Variants in SLC37A3 observed in about 807,000 individuals in gnomAD.
SLC37A3 encodes solute carrier family 37 member 3.
Under a neutral mutation model 67.1 loss-of-function variants are expected in SLC37A3, and 51 were observed. The ratio of observed to expected loss-of-function variants is 0.76; its 90% CI spans 0.61 to 0.96. SLC37A3 has a LOEUF of 0.96. SLC37A3 is among the 40% of genes least tolerant of loss of function. The probability of loss-of-function intolerance (pLI) is 0.00; values close to 1 mark genes in which losing one functional copy is unlikely to be tolerated. For synonymous variants in SLC37A3, 214 were observed against 231.4 expected, an observed-to-expected ratio of 0.92 and a Z score of 0.68; for missense variants, 508 against 603.0, an observed-to-expected ratio of 0.84 and a Z score of 1.65.
chr7:140,337,404 A>T, intron 13 of SLC37A3, 55 bp from the exon 14 acceptor site: 2 of 1,417,994 alleles, frequency 1.4e-6, no homozygotes, highest in South Asian at 2.7e-5. Context: ...CATAAAAGGA[A>T]GCAGCTAAAA....
intron 3 of SLC37A3, among the ~76,000 whole-genome samples, chr7:140,372,028 T>G (rs1797841375): frequency 6.6e-6 from 1 of 152,096 alleles, no homozygotes; most frequent in Admixed American, 6.6e-5. Context: ...ATTTTTGTAT[T>G]TTTAGTAGAG....
intron 10 of SLC37A3, among the ~76,000 whole-genome samples, chr7:140,347,045 G>A (rs1292443004): frequency 6.6e-6 from 1 of 152,124 alleles, no homozygotes; most frequent in Non-Finnish European, 1.5e-5. Flanking sequence ...CAAATTGCCT[G>A]AGCTCAGGAG....
intron 1 of SLC37A3, among the ~76,000 whole-genome samples, chr7:140,394,466 A>G (rs537624933): frequency 1.3e-5 from 2 of 151,930 alleles, no homozygotes; most frequent in East Asian, 4.0e-4. Flanking sequence ...TACAAAAAAT[A>G]CAAAAATCAG....
intron 13 of SLC37A3, among the ~76,000 whole-genome samples, chr7:140,339,543 G>T (rs10239639): frequency 2.0e-5 from 3 of 151,826 alleles, no homozygotes; most frequent in African/African-American, 7.3e-5. Flanking sequence ...TAACAGGCAT[G>T]AGCCACCGCG....
chr7:140,380,299 C>T lies in SLC37A3; in HGVS notation c.181G>A (p.Val61Ile). 1 of 1,612,338 alleles carries T rather than the reference C, an allele frequency of 6.2e-7. No homozygotes were observed. Among genetic ancestry groups the T allele is most frequent in the Non-Finnish European group, 8.5e-7 (1 of 1,178,558 alleles). Residue 61 changes from valine (V) to isoleucine (I), a missense_variant, in exon 3 of 15, where the codon GTT becomes ATT. Physicochemically the swap from Val to Ile is conservative, Grantham distance 29 (BLOSUM62 3). Coordinates refer to ENST00000326232, the MANE Select transcript of SLC37A3 (RefSeq NM_207113.3). Reference sequence around the variant, plus strand: ...CTGCTTACCTCCACAGGCAGCTCAACTGACGTGTTAAAAGCACTTGGGGTC... The same window carrying T: ...CTGCTTACCTCCACAGGCAGCTCAATTGACGTGTTAAAAGCACTTGGGGTC... ...QWTPSAFNTS[V>I]ELPVEIWSSN...
intron 1 of SLC37A3, among the ~76,000 whole-genome samples, chr7:140,389,247 C>T (rs1354475380): frequency 6.6e-6 from 1 of 152,130 alleles, no homozygotes; most frequent in African/African-American, 2.4e-5. Flanking sequence ...GTCTGAACCT[C>T]CCCAAATTGC....
chr7:140,374,998 T>A (rs1222259098), intron 3 of SLC37A3, among the ~76,000 whole-genome samples: 2 of 151,546 alleles, frequency 1.3e-5, no homozygotes, highest in African/African-American at 4.9e-5. Context: ...ATACAAAAAT[T>A]AGCCAGGTGT....
At chr7:140,353,768 A>G (rs74653110) in intron 7 of SLC37A3, among the ~76,000 whole-genome samples, 6 of 151,466 alleles carry the variant, frequency 4.0e-5, no homozygotes, top group Non-Finnish European at 8.8e-5. Context: ...GCTGGAGTGC[A>G]ATGGCATGAT....
intron 1 of SLC37A3, chr7:140,386,889 T>G (rs143605381): frequency 6.6e-6 from 1 of 152,294 alleles, no homozygotes; most frequent in Non-Finnish European, 1.5e-5. Flanking sequence ...CAGGGTGGTA[T>G]GCAGGTATGG....
intron 12 of SLC37A3, among the ~76,000 whole-genome samples, chr7:140,344,573 T>C (rs1796480829): frequency 6.6e-6 from 1 of 152,080 alleles, no homozygotes; most frequent in South Asian, 2.1e-4. Context: ...CTGGGCAACA[T>C]GGTGAAACCA....
At chr7:140,367,011 G>A (rs1797628131) in intron 4 of SLC37A3, among the ~76,000 whole-genome samples, 1 of 151,688 alleles carries the variant, frequency 6.6e-6, no homozygotes, top group African/African-American at 2.4e-5. Context: ...GGTGGCACAT[G>A]TCTGCAGTCC....
At position 140,363,717 on chromosome 7, in the gene SLC37A3, A is replaced by T. The variant is rs772019963; in HGVS notation, c.375+691T>A. 2.6e-3 allele frequency among the ~76,000 whole-genome samples: 385 copies of T among 149,792 alleles called. 3 individuals carry two copies. The highest frequency in any genetic ancestry group is 7.4e-3 in the African/African-American group (301 of 40,926). On this transcript the variant is annotated intron_variant, in intron 5 of 14. Coordinates refer to ENST00000326232, the MANE Select transcript of SLC37A3 (RefSeq NM_207113.3). The stretch of plus-strand genomic sequence containing the variant: ...AAAAAAAAATAAATAAAAAAATAAA[A>T]AAAAAAGAGCAAAACTCCGCCTCAA...
At chr7:140,351,619 A>G (rs1796805630) in intron 8 of SLC37A3, 168 bp from the exon 9 acceptor site, 1 of 625,194 alleles carries the variant, frequency 1.6e-6, no homozygotes, top group Admixed American at 3.3e-5. Flanking sequence ...CACACAGTCT[A>G]TCTAAAAATA....
At chr7:140,382,656 T>C (rs761711792) in intron 1 of SLC37A3, 60 bp from the exon 2 acceptor site, 181 of 754,898 alleles carry the variant, frequency 2.4e-4, no homozygotes, top group Non-Finnish European at 3.5e-4. Flanking sequence ...CCAAAAACTG[T>C]ATTATTTAGA....
chr7:140,379,474 C>T, intron 3 of SLC37A3: 1 of 104,618 alleles, frequency 9.6e-6, no homozygotes, highest in East Asian at 2.9e-4. Context: ...GACTCTGTCT[C>T]AAGAAAAAAA....
chr7:140,337,466 T>A lies in SLC37A3; in HGVS notation c.1327-117A>T, dbSNP rs962576440. On this transcript the variant is annotated intron_variant, in intron 13 of 14. Coordinates refer to ENST00000326232, the MANE Select transcript of SLC37A3 (RefSeq NM_207113.3). ...AAATAAGAAGGGAACAGGATTTGTA[T>A]GTTTTGCAGTTTACAAAGCTCTTCC... is the stretch of plus-strand genomic sequence containing the variant. The A allele has an allele frequency of 2.7e-5, 23 of 839,690 alleles. No homozygotes were observed. The Admixed American group carries it at 8.1e-4, about 29-fold the overall frequency. The allele number at this position is 839,690 out of a possible 1,614,324, so 52.0% of individuals were successfully genotyped here.
intron 1 of SLC37A3, among the ~76,000 whole-genome samples, chr7:140,387,401 G>A (rs1798495756): frequency 6.6e-6 from 1 of 151,542 alleles, no homozygotes; most frequent in South Asian, 2.1e-4. Context: ...ATCACTTGAG[G>A]TCAGGAGTTC....
chr7:140,369,261 G>A (rs924777525), intron 4 of SLC37A3, among the ~76,000 whole-genome samples: 1 of 151,942 alleles, frequency 6.6e-6, no homozygotes, highest in Admixed American at 6.6e-5. Flanking sequence ...ATTTTCCTCC[G>A]TTGTACTTAC....
intron 3 of SLC37A3, 107 bp downstream of exon 3, chr7:140,380,175 C>T (rs1171264449): frequency 1.8e-6 from 1 of 564,578 alleles, no homozygotes; most frequent in Non-Finnish European, 3.1e-6. Context: ...AACAGTGAGC[C>T]ATTTCAGAGT....
Sources: gnomAD v4.1 joint callset for allele counts (sites outside exome capture counted in the v4.1 genomes callset) on GRCh38, gnomAD v4.1.1 for gene constraint, MANE v1.5 for transcripts, NCBI Gene and HGNC (gene_info 2026-07-23, HGNC 2026-07-21) for gene names.